The following MEMO1 variants were observed in gnomAD, a reference collection of about 807,000 sequenced individuals.
MEMO1 encodes mediator of cell motility 1.
MEMO1 carries 6 observed loss-of-function variants against 45.2 expected under a neutral mutation model. That is an observed-to-expected ratio of 0.13 (90% confidence interval 0.07 to 0.26). The LOEUF is 0.26. MEMO1 is among the 10% of genes least tolerant of loss of function. The pLI is 1.00. For synonymous variants in MEMO1, 78 were observed against 124.3 expected (o/e 0.63, Z 2.48); for missense variants, 184 against 370.5 (o/e 0.50, Z 4.13).
chr2:31,987,732 C>T (rs1451547810), intron 2 of MEMO1, among the ~76,000 whole-genome samples: 1 of 152,120 alleles, frequency 6.6e-6, no homozygotes, highest in East Asian at 1.9e-4. Context: ...ATGATATCAT[C>T]CTCTATTCTG....
At chr2:31,933,342 AAAAAAAATTT>A (rs1558514165) in intron 3 of MEMO1, among the ~76,000 whole-genome samples, 9 of 47,312 alleles carry the variant, frequency 1.9e-4, no homozygotes, top group African/African-American at 6.4e-4. Flanking sequence ...AAAAAAAAAA[AAAAAAAATTT>A]ATATATATAT....
At chr2:31,899,065 G>A (rs767273086) in intron 6 of MEMO1, among the ~76,000 whole-genome samples, 5 of 152,102 alleles carry the variant, frequency 3.3e-5, no homozygotes, top group Non-Finnish European at 5.9e-5. Flanking sequence ...AACATCCCAC[G>A]CTCATGGATA....
intron 4 of MEMO1, among the ~76,000 whole-genome samples, chr2:31,922,709 C>T (rs925936450): frequency 2.0e-5 from 3 of 151,904 alleles, no homozygotes; most frequent in Non-Finnish European, 4.4e-5. Context: ...TTAGCTTCTA[C>T]TTGTGAGAAC....
chr2:31,934,783 C>T (rs1399520661), intron 3 of MEMO1, among the ~76,000 whole-genome samples: 6 of 152,084 alleles, frequency 3.9e-5, no homozygotes, highest in Admixed American at 3.9e-4. Context: ...CTGAAAAGCA[C>T]TGGCACAAAC....
At chr2:31,933,515 T>C (rs1161458359) in intron 3 of MEMO1, among the ~76,000 whole-genome samples, 1 of 151,118 alleles carries the variant, frequency 6.6e-6, no homozygotes, top group African/African-American at 2.4e-5. Flanking sequence ...CATACATAGG[T>C]CAAACATCAA....
chr2:31,943,209 G>A (rs1038690033), intron 3 of MEMO1, 93 bp downstream of exon 3: 25 of 926,076 alleles, frequency 2.7e-5, no homozygotes, highest in Non-Finnish European at 3.7e-5. Context: ...AGGTTGCAGT[G>A]AGCCGAGACC....
Position 31,935,354 on chromosome 2 carries a change from A to G in MEMO1, c.144-3219T>C, listed in dbSNP as rs116049891. 3.7e-3 allele frequency among the ~76,000 whole-genome samples: 566 copies of G among 152,310 alleles called. 5 individuals carry two copies. The highest frequency in any genetic ancestry group is 0.013 in the African/African-American group (557 of 41,560). ...AGCATATACCCTATAAAACTACACGAAAGGATGAAAGTTTTGAAAACACAA... is the reference window on the plus strand; with the variant it reads ...AGCATATACCCTATAAAACTACACGGAAGGATGAAAGTTTTGAAAACACAA... On this transcript the variant is annotated intron_variant, in intron 3 of 9. Coordinates refer to ENST00000404530, the MANE Select transcript of MEMO1 (RefSeq NM_001301833.4).
rs184178888 is a variant in MEMO1, at chr2:31,896,421, C to A, written c.438-4287G>T. On this transcript the variant is annotated intron_variant, in intron 6 of 9. Coordinates refer to ENST00000404530, the MANE Select transcript of MEMO1 (RefSeq NM_001301833.4). Reference sequence around the variant, plus strand: ...AAGTTTTCTGGGCAGTACAGTATAGCAACTGCTCAACAGTTCAGGTAGAGA... The same window carrying A: ...AAGTTTTCTGGGCAGTACAGTATAGAAACTGCTCAACAGTTCAGGTAGAGA... Among the ~76,000 whole-genome samples the A allele has an allele frequency of 2.6e-5, 4 of 152,216 alleles. No homozygotes were observed. The East Asian group carries it at 7.7e-4, about 29-fold the overall frequency.
intron 1 of MEMO1, 36 bp downstream of exon 1, chr2:32,010,906 G>A (rs1674848108): frequency 6.6e-6 from 1 of 152,390 alleles, no homozygotes. Context: ...CTGAACCGGG[G>A]AAGGCAGACC....
At chr2:31,973,352 G>A (rs1669626432) in intron 2 of MEMO1, among the ~76,000 whole-genome samples, 1 of 152,074 alleles carries the variant, frequency 6.6e-6, no homozygotes, top group South Asian at 2.1e-4. Flanking sequence ...TACTTGGGAG[G>A]CTGAGGCAGG....
chr2:31,868,124 T>C lies in MEMO1; in HGVS notation c.*237A>G. 2.7e-6 allele frequency: 1 copy of C among 372,582 alleles called. No individual in the cohort carries two copies. Among genetic ancestry groups the C allele is most frequent in the Admixed American group, 5.0e-5 (1 of 19,810 alleles). 23.1% of individuals were successfully genotyped at this position (372,582 alleles called of 1,614,324 possible). A position where few individuals can be genotyped will look rare whatever the true frequency, so the allele number is the denominator to read the frequency against. ...AACTGAGCCTTTACATTGTCATCTT[T>C]TTTGATCAAAATATTTTGATGCCAG... On this transcript the variant is annotated 3_prime_UTR_variant, in exon 10 of 10. Coordinates refer to ENST00000404530, the MANE Select transcript of MEMO1 (RefSeq NM_001301833.4).
chr2:32,008,368 G>T (rs1674360238), intron 2 of MEMO1, among the ~76,000 whole-genome samples: 1 of 152,242 alleles, frequency 6.6e-6, no homozygotes, highest in South Asian at 2.1e-4. Flanking sequence ...GGAGGATCAC[G>T]AAGTCGGGAG....
At chr2:31,970,362 T>C (rs768148931) in intron 2 of MEMO1, among the ~76,000 whole-genome samples, 18 of 152,180 alleles carry the variant, frequency 1.2e-4, no homozygotes, top group Admixed American at 6.5e-4. Flanking sequence ...AGTAATCTTA[T>C]TATGGTATTA....
At chr2:31,897,337 G>A (rs1489086530) in intron 6 of MEMO1, among the ~76,000 whole-genome samples, 1 of 152,226 alleles carries the variant, frequency 6.6e-6, no homozygotes, top group Non-Finnish European at 1.5e-5. Context: ...CATGCAGTAT[G>A]ATACTGACTG....
chr2:31,960,036 A>G (rs149153415), intron 2 of MEMO1, among the ~76,000 whole-genome samples: 225 of 152,270 alleles, frequency 1.5e-3, no homozygotes, highest in African/African-American at 5.2e-3. Context: ...AGCCTGGCTA[A>G]AAGTACAAAA....
chr2:31,932,903 A>G (rs1183808413), intron 3 of MEMO1, among the ~76,000 whole-genome samples: 2 of 151,786 alleles, frequency 1.3e-5, no homozygotes, highest in African/African-American at 4.8e-5. Flanking sequence ...TCTCCATACT[A>G]TTTTTCCCTT....
chr2:31,952,450 G>A (rs921866129), intron 2 of MEMO1, among the ~76,000 whole-genome samples: 1 of 152,072 alleles, frequency 6.6e-6, no homozygotes, highest in African/African-American at 2.4e-5. Context: ...CAATTCCATT[G>A]GCATTTCGTA....
At chr2:31,986,671 C>A (rs1006663055) in intron 2 of MEMO1, among the ~76,000 whole-genome samples, 42 of 152,098 alleles carry the variant, frequency 2.8e-4, no homozygotes, top group Non-Finnish European at 1.3e-4. Flanking sequence ...ACAGGCAGGT[C>A]TACATTCTCA....
chr2:32,000,258 T>G (rs1002357960), intron 2 of MEMO1, among the ~76,000 whole-genome samples: 10 of 151,554 alleles, frequency 6.6e-5, no homozygotes, highest in African/African-American at 9.7e-5. Flanking sequence ...AGACGGAGTT[T>G]CACTCTTGTT....
Sources: gnomAD v4.1 joint callset for allele counts (sites outside exome capture counted in the v4.1 genomes callset) on GRCh38, gnomAD v4.1.1 for gene constraint, MANE v1.5 for transcripts, NCBI Gene and HGNC (gene_info 2026-07-23, HGNC 2026-07-21) for gene names.